The following GNPTAB variants were observed in gnomAD, a reference collection of about 807,000 sequenced individuals.
The protein encoded by GNPTAB is N-acetylglucosamine-1-phosphotransferase subunits alpha/beta.
GNPTAB carries 92 observed loss-of-function variants against 136.6 expected under a neutral mutation model. That is an observed-to-expected ratio of 0.67 (90% CI 0.57 to 0.80). The LOEUF (loss-of-function observed/expected upper bound fraction) is 0.80. GNPTAB is among the 30% of genes least tolerant of loss of function. The pLI is 0.00. For missense variants in GNPTAB, 1,343 were observed against 1,501.8 expected (o/e 0.89, Z 1.75); for synonymous variants, 512 against 535.1 (o/e 0.96, Z 0.60).
At chr12:101,816,252 G>C (rs892806983) in intron 1 of GNPTAB, among the ~76,000 whole-genome samples, 1 of 152,038 alleles carries the variant, frequency 6.6e-6, no homozygotes, top group East Asian at 1.9e-4. Context: ...AAAATGAAGA[G>C]ACTACCTACA....
In GNPTAB at chr12:101,780,281, T is replaced by A; in HGVS notation, c.642A>T (p.Thr214=). 2 of 1,614,044 alleles carry A rather than the reference T, an allele frequency of 1.2e-6. No homozygotes were observed. The highest frequency in any genetic ancestry group is 1.7e-6 in the Non-Finnish European group (2 of 1,179,930). ...RQTVWRGYLT[T]DKEVPGLVLM... ...GCACTAATCCAGGGACTTCTTTATCTGTTGTCTAAAATAAGGGGAAAAACA... is the reference window on the plus strand; with the variant it reads ...GCACTAATCCAGGGACTTCTTTATCAGTTGTCTAAAATAAGGGGAAAAACA... Residue 214 remains threonine, a synonymous_variant, in exon 7 of 21, where the codon ACA becomes ACT. Transcript: ENST00000299314.
intron 12 of GNPTAB, 179 bp from the exon 13 acceptor site, chr12:101,765,483 T>C: frequency 1.7e-6 from 1 of 602,156 alleles, no homozygotes; most frequent in South Asian, 2.0e-5. Flanking sequence ...GTTCTAATTT[T>C]AGTATATGTG....
intron 1 of GNPTAB, among the ~76,000 whole-genome samples, chr12:101,800,361 T>A (rs1169834345): frequency 5.3e-5 from 8 of 151,900 alleles, no homozygotes; most frequent in Admixed American, 5.2e-4. Flanking sequence ...TAAAAAAAAA[T>A]TATGGTCTTC....
rs765449372 is a variant in GNPTAB at position 101,753,456 on chromosome 12, T to C, written c.3518A>G (p.Glu1173Gly). Residue 1173 changes from glutamate (E) to glycine (G), a missense_variant, in exon 19 of 21, where the codon GAA becomes GGA. Glu to Gly is a moderately conservative substitution (Grantham distance 98, BLOSUM62 -2). Coordinates refer to ENST00000299314, the MANE Select transcript of GNPTAB (RefSeq NM_024312.5). The part of the protein sequence containing the change: ...TVKAVLRDFY[E>G]SMFPIPSQFE... ...TTGGGAAGGTATGGGGAACATGGAT[T>C]CATAGAAGTCCCTGAGAACAGCCTT... The C allele has an allele frequency of 6.2e-7, 1 of 1,613,712 alleles. No individual in the cohort carries two copies. The highest frequency in any genetic ancestry group is 1.7e-5 in the Admixed American group (1 of 60,022).
chr12:101,813,946 G>T (rs1488738836), intron 1 of GNPTAB, among the ~76,000 whole-genome samples: 1 of 152,242 alleles, frequency 6.6e-6, no homozygotes, highest in South Asian at 2.1e-4. Context: ...AGGTGTGGTG[G>T]CATGCACCTG....
chr12:101,784,104 T>C (rs1196585816), intron 5 of GNPTAB, among the ~76,000 whole-genome samples: 2 of 152,224 alleles, frequency 1.3e-5, no homozygotes, highest in African/African-American at 4.8e-5. Flanking sequence ...GTAAGTTTTC[T>C]GTTCAATAAA....
At chr12:101,812,228 G>A (rs1410424545) in intron 1 of GNPTAB, among the ~76,000 whole-genome samples, 2 of 152,250 alleles carry the variant, frequency 1.3e-5, no homozygotes, top group East Asian at 1.9e-4. Context: ...TGGCCTGGGC[G>A]ACAGAGTGAG....
chr12:101,769,007 G>A (rs1247300368), intron 10 of GNPTAB, among the ~76,000 whole-genome samples: 4 of 152,190 alleles, frequency 2.6e-5, no homozygotes, highest in African/African-American at 7.2e-5. Flanking sequence ...TGATACAGAG[G>A]AGACAACTCA....
chr12:101,759,972 GT>G (rs1229587372), intron 16 of GNPTAB, 57 bp downstream of exon 16: 8 of 999,624 alleles, frequency 8.0e-6, no homozygotes, highest in Non-Finnish European at 1.3e-5. Flanking sequence ...AATGCTGTAA[GT>G]AACACTTGAT....
At chr12:101,751,346 G>A (rs531174430) in intron 19 of GNPTAB, among the ~76,000 whole-genome samples, 2 of 152,176 alleles carry the variant, frequency 1.3e-5, no homozygotes, top group South Asian at 2.1e-4. Flanking sequence ...TCTTATTGCC[G>A]CCCTCAATAT....
At chr12:101,786,885 A>G (rs1386301868) in intron 4 of GNPTAB, among the ~76,000 whole-genome samples, 1 of 152,192 alleles carries the variant, frequency 6.6e-6, no homozygotes, top group Admixed American at 6.5e-5. Flanking sequence ...ACAATGAGCT[A>G]TCACCTTTAC....
chr12:101,765,964 G>A, intron 12 of GNPTAB, 127 bp downstream of exon 12: 2 of 816,692 alleles, frequency 2.4e-6, no homozygotes, highest in Non-Finnish European at 2.1e-6. Flanking sequence ...TAACTAGTTT[G>A]AATGCAAGGC....
intron 1 of GNPTAB, among the ~76,000 whole-genome samples, chr12:101,828,588 G>A (rs112836686): frequency 9.9e-5 from 15 of 151,878 alleles, no homozygotes; most frequent in Non-Finnish European, 2.2e-4. Context: ...GAACCCAGGA[G>A]GCGAGACATG....
intron 1 of GNPTAB, among the ~76,000 whole-genome samples, chr12:101,830,004 C>CAAAAAAAAAAAAAAAAAAAAAAAAAAA (rs35884808): frequency 9.4e-6 from 1 of 106,166 alleles, no homozygotes; most frequent in African/African-American, 3.2e-5. Flanking sequence ...AACCTCCTAC[C>CAAAAAAAAAAAAAAAAAAAAAAAAAAA]AAAAAAAAAA....
intron 1 of GNPTAB, among the ~76,000 whole-genome samples, chr12:101,827,802 T>C (rs929867463): frequency 6.6e-6 from 1 of 152,016 alleles, no homozygotes; most frequent in Non-Finnish European, 1.5e-5. Context: ...CTGTCTCTAC[T>C]AAAAATACAA....
chr12:101,758,188 G>A (rs903271538), intron 16 of GNPTAB, among the ~76,000 whole-genome samples: 7 of 152,020 alleles, frequency 4.6e-5, no homozygotes, highest in East Asian at 1.9e-4. Flanking sequence ...ACAGGAACCC[G>A]CCACCACACC....
At chr12:101,747,810 G>C (rs1440854785) in intron 20 of GNPTAB, among the ~76,000 whole-genome samples, 1 of 117,708 alleles carries the variant, frequency 8.5e-6, no homozygotes, top group Non-Finnish European at 1.9e-5. Flanking sequence ...CTCCAGTAGA[G>C]AGCAGAGTGT....
At chr12:101,811,925 G>A (rs117864502) in intron 1 of GNPTAB, among the ~76,000 whole-genome samples, 13,066 of 149,820 alleles carry the variant, frequency 0.087, 778 homozygotes, top group Admixed American at 0.17. Flanking sequence ...AGGCTGAGCC[G>A]CTGCGTCCGG....
chr12:101,824,569 C>T (rs1005768959), intron 1 of GNPTAB, among the ~76,000 whole-genome samples: 6 of 149,902 alleles, frequency 4.0e-5, no homozygotes, highest in East Asian at 3.9e-4. Flanking sequence ...AGGGTTCAAG[C>T]GATTCTCCTG....
Sources: gnomAD v4.1 joint callset for allele counts (sites outside exome capture counted in the v4.1 genomes callset) on GRCh38, gnomAD v4.1.1 for gene constraint, MANE v1.5 for transcripts, NCBI Gene and HGNC (gene_info 2026-07-23, HGNC 2026-07-21) for gene names.